CLIP1: variants seen among roughly 807,000 people sequenced by gnomAD.
CLIP1 encodes the protein CAP-Gly domain-containing linker protein 1.
CLIP1 carries 66 observed loss-of-function variants against 161.6 expected under a neutral mutation model. The observed-to-expected ratio is 0.41, with a 90% CI of 0.33 to 0.50. CLIP1 has a LOEUF of 0.50. CLIP1 is among the 20% of genes least tolerant of loss of function. The pLI is 0.27. For synonymous variants in CLIP1, 598 were observed against 626.2 expected (o/e 0.96, Z 0.67); for missense variants, 1,376 against 1,702.0 (o/e 0.81, Z 3.37).
intron 1 of CLIP1, chr12:122,396,842 T>C (rs1176137588): frequency 6.6e-6 from 1 of 150,902 alleles, no homozygotes; most frequent in Non-Finnish European, 1.5e-5. Flanking sequence ...TCATGGCTCA[T>C]GGCAGCCTTG....
chr12:122,394,655 A>G (rs2137012000), intron 1 of CLIP1, among the ~76,000 whole-genome samples: 1 of 151,918 alleles, frequency 6.6e-6, no homozygotes, highest in East Asian at 1.9e-4. Context: ...TGGGAGGCCG[A>G]GGTGGACGGA....
At chr12:122,289,334 G>C (rs562471990) in intron 20 of CLIP1, among the ~76,000 whole-genome samples, 1 of 151,844 alleles carries the variant, frequency 6.6e-6, no homozygotes, top group African/African-American at 2.4e-5. Context: ...CAGGAGAATC[G>C]CTTGAACCCA....
chr12:122,391,761 G>A (rs1032870324), intron 1 of CLIP1, among the ~76,000 whole-genome samples: 4 of 152,066 alleles, frequency 2.6e-5, no homozygotes, highest in African/African-American at 4.8e-5. Flanking sequence ...AGTATTTAGC[G>A]CGTTAGATAC....
At chr12:122,356,927 G>C (rs186162871) in intron 5 of CLIP1, among the ~76,000 whole-genome samples, 50 of 152,338 alleles carry the variant, frequency 3.3e-4, no homozygotes, top group African/African-American at 1.2e-3. Context: ...GACGGAGTCT[G>C]GTTCACTCAG....
chr12:122,295,275 C>T (rs1019687608), intron 20 of CLIP1, among the ~76,000 whole-genome samples: 9 of 151,674 alleles, frequency 5.9e-5, no homozygotes, highest in Non-Finnish European at 1.3e-4. Context: ...GAGGCTGAGG[C>T]AGGAGAATCG....
intron 1 of CLIP1, among the ~76,000 whole-genome samples, chr12:122,415,912 C>A (rs1472472525): frequency 1.3e-5 from 2 of 152,030 alleles, no homozygotes; most frequent in Non-Finnish European, 2.9e-5. Context: ...AAGCTATATA[C>A]ACCAATATCA....
chr12:122,418,798 A>T (rs1271905958), intron 1 of CLIP1, among the ~76,000 whole-genome samples: 2 of 152,188 alleles, frequency 1.3e-5, no homozygotes, highest in East Asian at 3.8e-4. Flanking sequence ...ACTGCAAAGG[A>T]GAACTACAGG....
intron 15 of CLIP1, among the ~76,000 whole-genome samples, chr12:122,329,019 T>G (rs558405695): frequency 6.6e-6 from 1 of 151,908 alleles, no homozygotes; most frequent in Non-Finnish European, 1.5e-5. Flanking sequence ...GAAAAATGAG[T>G]GAAAAATAAA....
At chr12:122,411,047 G>A (rs993351257) in intron 1 of CLIP1, among the ~76,000 whole-genome samples, 7 of 152,128 alleles carry the variant, frequency 4.6e-5, no homozygotes, top group South Asian at 4.1e-4. Flanking sequence ...GGTAGAGTTC[G>A]CATATGACCC....
chr12:122,281,960 A>C (rs1955665861), intron 21 of CLIP1, among the ~76,000 whole-genome samples: 1 of 152,120 alleles, frequency 6.6e-6, no homozygotes, highest in East Asian at 1.9e-4. Context: ...GGGAGGGATA[A>C]ACAAACCTCC....
At chr12:122,299,612 C>CAAAAAAAAAAAAGAAAAAA (rs1950602028) in intron 20 of CLIP1, among the ~76,000 whole-genome samples, 1 of 62,500 alleles carries the variant, frequency 1.6e-5, no homozygotes, top group African/African-American at 7.0e-5. Flanking sequence ...ATAAATTCAG[C>CAAAAAAAAAAAAGAAAAAA]AAAAAAAAAA....
At chr12:122,313,642 A>G (rs545602378) in intron 19 of CLIP1, among the ~76,000 whole-genome samples, 1 of 152,144 alleles carries the variant, frequency 6.6e-6, no homozygotes, top group East Asian at 1.9e-4. Flanking sequence ...ACTTGAACCC[A>G]GGAGGTGGAG....
intron 1 of CLIP1, among the ~76,000 whole-genome samples, chr12:122,394,683 C>A (rs151335190): frequency 0.013 from 1,949 of 150,932 alleles, 45 homozygotes; most frequent in African/African-American, 0.04. Flanking sequence ...ATCAGGAGAT[C>A]GAGACCATCC....
In CLIP1 at chr12:122,333,070, A is replaced by G. The variant is rs1321564342; in HGVS notation, c.2784T>C (p.Asn928=). 2 of 1,613,712 alleles carry G rather than the reference A, an allele frequency of 1.2e-6. No individual in the cohort carries two copies. The highest frequency in any genetic ancestry group is 1.7e-6 in the Non-Finnish European group (2 of 1,179,800). The change falls in exon 15 of 26, where the codon AAT becomes AAC. Residue 928 remains asparagine (N), a synonymous_variant. Coordinates refer to ENST00000620786, the MANE Select transcript of CLIP1 (RefSeq NM_001247997.2). ...QLIKAKEKLE[N]DIAEIMKMSG... ...ACATCTTCATTATTTCTGCAATGTC[A>G]TTTTCCAGTTTTTCCTTTGCCTTTA...
At chr12:122,337,504 G>T (rs567237115) in intron 11 of CLIP1, among the ~76,000 whole-genome samples, 2 of 151,820 alleles carry the variant, frequency 1.3e-5, no homozygotes, top group East Asian at 1.9e-4. Flanking sequence ...GCCCAGGCTG[G>T]TCTCAAACTC....
chr12:122,353,651 G>C (rs898997364), intron 7 of CLIP1, among the ~76,000 whole-genome samples: 1 of 149,940 alleles, frequency 6.7e-6, no homozygotes, highest in African/African-American at 2.5e-5. Flanking sequence ...TTTTTTTTGA[G>C]ACGGAGTCTT....
At chr12:122,385,808 T>TA (rs1467022022) in intron 1 of CLIP1, among the ~76,000 whole-genome samples, 1 of 152,194 alleles carries the variant, frequency 6.6e-6, no homozygotes, top group Non-Finnish European at 1.5e-5. Flanking sequence ...CTACCCCATG[T>TA]ACCTTCCCCT....
chr12:122,351,176 C>T (rs1473129451), intron 8 of CLIP1, 33 bp from the exon 9 acceptor site: 22 of 1,357,564 alleles, frequency 1.6e-5, no homozygotes, highest in Non-Finnish European at 2.1e-5. Context: ...AATTAAACAA[C>T]AACAAAAAAG....
intron 1 of CLIP1, among the ~76,000 whole-genome samples, chr12:122,382,213 T>C (rs1205893107): frequency 6.6e-6 from 1 of 151,876 alleles, no homozygotes; most frequent in East Asian, 1.9e-4. Context: ...AATATAAAAT[T>C]AGCCGGGCAT....
Sources: allele counts gnomAD v4.1 joint callset (sites outside exome capture counted in the v4.1 genomes callset), GRCh38; gene constraint gnomAD v4.1.1; transcripts MANE v1.5; gene names NCBI Gene and HGNC (gene_info 2026-07-23, HGNC 2026-07-21).